The following SLC25A17 variants were observed in gnomAD, a reference collection of about 807,000 sequenced individuals.
SLC25A17 encodes the protein peroxisomal membrane protein PMP34.
In SLC25A17, 26 loss-of-function variants were observed where a neutral mutation model predicts 38.5. The observed-to-expected ratio is 0.68, with a 90% confidence interval of 0.50 to 0.94. The LOEUF (loss-of-function observed/expected upper bound fraction) is 0.94, where lower values mean the gene tolerates loss of function less well. Ranked by LOEUF, SLC25A17 falls within the 40% of genes least tolerant of loss-of-function variation. The probability of loss-of-function intolerance (pLI) is 0.00; values close to 1 mark genes in which losing one functional copy is unlikely to be tolerated. For synonymous variants in SLC25A17, 139 were observed against 136.2 expected (o/e 1.02, Z -0.14); for missense variants, 333 against 372.7 (o/e 0.89, Z 0.88).
chr22:40,812,158 GTGCTA>G (rs1322186179), intron 1 of SLC25A17, among the ~76,000 whole-genome samples: 3 of 151,862 alleles, frequency 2.0e-5, no homozygotes, highest in Non-Finnish European at 4.4e-5. Context: ...GCCTCTCAAA[GTGCTA>G]TGATTACAGG....
intron 1 of SLC25A17, among the ~76,000 whole-genome samples, chr22:40,810,812 A>G (rs75447991): frequency 0.014 from 2,131 of 152,292 alleles, 50 homozygotes; most frequent in African/African-American, 0.049. Context: ...TTGTTTTGGA[A>G]TTTATACATC....
chr22:40,816,910 C>CT (rs2057647108), intron 1 of SLC25A17, among the ~76,000 whole-genome samples: 1 of 152,012 alleles, frequency 6.6e-6, no homozygotes, highest in East Asian at 1.9e-4. Context: ...CGCACCCAGC[C>CT]TATTCATTTA....
intron 2 of SLC25A17, among the ~76,000 whole-genome samples, chr22:40,795,450 G>C (rs2057420480): frequency 6.6e-6 from 1 of 152,042 alleles, no homozygotes; most frequent in Non-Finnish European, 1.5e-5. Context: ...CCACCACGAT[G>C]CCCGGCTAAT....
rs1240337563 is a variant in SLC25A17, at chr22:40,789,505, ATGTT to A, written c.334+3016_334+3019del. Among the ~76,000 whole-genome samples the A allele has an allele frequency of 6.6e-6, 1 of 151,848 alleles. No homozygotes were observed. The highest frequency in any genetic ancestry group is 1.5e-5 in the Non-Finnish European group (1 of 67,944). ...CTTTCCCTACCTTTTAAAATATTTT[ATGTT>A]TGTTTGTTTATTTAGAGGTAGAGTT... is the stretch of plus-strand genomic sequence containing the variant. On this transcript the variant is annotated intron_variant, in intron 4 of 8. Coordinates refer to ENST00000435456, the MANE Select transcript of SLC25A17 (RefSeq NM_006358.4). This position sits in a 1 kb window ranked among gnomAD's most constrained non-coding sequence, Gnocchi z 4.5.
chr22:40,785,245 A>G (rs2057327771), intron 4 of SLC25A17, among the ~76,000 whole-genome samples: 1 of 152,214 alleles, frequency 6.6e-6, no homozygotes. Context: ...TTAGCTGGGC[A>G]TGATGGCTTG....
At chr22:40,784,548 G>T in intron 4 of SLC25A17, 1 of 272,450 alleles carries the variant, frequency 3.7e-6, no homozygotes, top group South Asian at 3.3e-5. Flanking sequence ...CGAGGCAGAA[G>T]AATCTCTTGA....
intron 4 of SLC25A17, among the ~76,000 whole-genome samples, chr22:40,782,106 G>T (rs1008035749): frequency 2.6e-5 from 4 of 152,102 alleles, no homozygotes; most frequent in Admixed American, 6.6e-5. Context: ...TGTAGTCCCA[G>T]CTACTCAGGA....
chr22:40,794,488 C>T (rs779354146), intron 3 of SLC25A17, 26 bp downstream of exon 3: 28 of 1,495,670 alleles, frequency 1.9e-5, no homozygotes, highest in South Asian at 3.4e-5. Context: ...GTTGCTTTAA[C>T]GAAGGTGAAC....
rs886178830 is a variant in SLC25A17, at chr22:40,812,401, T to TC, written c.54+6793dup. Among the ~76,000 whole-genome samples the TC allele has an allele frequency of 6.0e-4, 91 of 152,200 alleles. 1 individual carries two copies. The highest frequency in any genetic ancestry group is 9.6e-4 in the East Asian group (5 of 5,188). ...CTGGGTAAATCTGGTCAAGACTTGG[T>TC]CCCCCCAGCGTGTGCAATCTTATGG... On this transcript the variant is annotated intron_variant, in intron 1 of 8. Transcript: ENST00000435456.
rs770394962 is a variant in SLC25A17 at position 40,779,145 on chromosome 22, G to A, written c.335-20C>T. On this transcript the variant is annotated intron_variant, in intron 4 of 8. Transcript: ENST00000435456. ...CCACTCCTTTAACAAGAAAGATGGA[G>A]AGAAAAAGGGAAGGCAAAATGTCAG... 1 of 1,614,120 alleles carries A rather than the reference G, an allele frequency of 6.2e-7. No individual in the cohort carries two copies. Among genetic ancestry groups the A allele is most frequent in the Non-Finnish European group, 8.5e-7 (1 of 1,180,018 alleles).
Position 40,770,975 on chromosome 22 carries a change from A to C in SLC25A17, c.783T>G (p.Phe261Leu). 6.3e-7 allele frequency: 1 copy of C among 1,592,690 alleles called. No individual in the cohort carries two copies. ...GGCCTTTGTAGAGTCCCATTATTCCAAAACGTCTAAAGGGAAAGAGGTTTG... is the reference window on the plus strand; with the variant it reads ...GGCCTTTGTAGAGTCCCATTATTCCCAAACGTCTAAAGGGAAAGAGGTTTG... The part of the protein sequence containing the change: ...LYLLHQRVRR[F>L]GIMGLYKGLE... Residue 261 changes from phenylalanine (F) to leucine (L), a missense_variant, in exon 9 of 9, where the codon TTT becomes TTG. Physicochemically the swap from Phe to Leu is conservative, Grantham distance 22. Transcript: ENST00000435456.
intron 4 of SLC25A17, among the ~76,000 whole-genome samples, chr22:40,780,903 C>T (rs990225349): frequency 7.2e-5 from 11 of 152,172 alleles, no homozygotes; most frequent in Non-Finnish European, 1.3e-4. Context: ...AGTGTGGTGG[C>T]TCATGCCTGT....
chr22:40,801,220 A>C (rs963375900), intron 1 of SLC25A17, among the ~76,000 whole-genome samples: 13 of 145,198 alleles, frequency 9.0e-5, no homozygotes, highest in African/African-American at 3.3e-4. Context: ...AAAATTTGGT[A>C]GGCCTATTAT....
At chr22:40,807,397 G>A (rs2057539677) in intron 1 of SLC25A17, among the ~76,000 whole-genome samples, 1 of 152,104 alleles carries the variant, frequency 6.6e-6, no homozygotes, top group Non-Finnish European at 1.5e-5. Context: ...TAGGCAGCCT[G>A]ACTACAGAAC....
At chr22:40,779,399 G>C in intron 4 of SLC25A17, 1 of 766,716 alleles carries the variant, frequency 1.3e-6, no homozygotes, top group Non-Finnish European at 2.0e-6. Context: ...CAATCTATTT[G>C]TCAATTTATA....
At chr22:40,798,290 A>C (rs528771550) in intron 2 of SLC25A17, 1 of 152,648 alleles carries the variant, frequency 6.6e-6, no homozygotes, top group African/African-American at 2.4e-5. Context: ...GAGTCCACAG[A>C]GCTACAGTCC....
chr22:40,802,600 G>A (rs1423407971), intron 1 of SLC25A17, among the ~76,000 whole-genome samples: 4 of 152,008 alleles, frequency 2.6e-5, no homozygotes, highest in Admixed American at 1.3e-4. Context: ...AGCCAAGATC[G>A]TGCCACTGCA....
rs117292884 is a variant in SLC25A17 at position 40,817,000 on chromosome 22, G to A, written c.54+2195C>T. 5.8e-3 allele frequency among the ~76,000 whole-genome samples: 890 copies of A among 152,266 alleles called. 5 individuals carry two copies. Among genetic ancestry groups the A allele is most frequent in the Non-Finnish European group, 8.3e-3 (563 of 68,018 alleles). ...CTGTACTCCTTGCACCTAGAACAGC[G>A]TGTGGCACATAGAATGCACTCAATA... is the stretch of plus-strand genomic sequence containing the variant. On this transcript the variant is annotated intron_variant, in intron 1 of 8. Coordinates refer to ENST00000435456, the MANE Select transcript of SLC25A17 (RefSeq NM_006358.4).
At chr22:40,774,614 C>A (rs983536446) in intron 7 of SLC25A17, among the ~76,000 whole-genome samples, 2 of 151,866 alleles carry the variant, frequency 1.3e-5, no homozygotes, top group African/African-American at 2.4e-5. Context: ...AAAAATATGC[C>A]CAGGATGATG....
Sources: allele counts gnomAD v4.1 joint callset (sites outside exome capture counted in the v4.1 genomes callset), GRCh38; gene constraint gnomAD v4.1.1; non-coding constraint Gnocchi (gnomAD v3.1); transcripts MANE v1.5; gene names NCBI Gene and HGNC (gene_info 2026-07-23, HGNC 2026-07-21).